ERGIC2: variants seen among roughly 807,000 people sequenced by gnomAD.
The protein encoded by ERGIC2 is endoplasmic reticulum-Golgi intermediate compartment protein 2.
Under a neutral mutation model 52.5 loss-of-function variants are expected in ERGIC2, and 31 were observed. The ratio of observed to expected loss-of-function variants is 0.59; its 90% CI spans 0.44 to 0.80. ERGIC2 has a LOEUF of 0.80. Among genes scored for constraint, ERGIC2 ranks in the 30% least tolerant of loss-of-function variants. The pLI is 0.00. For synonymous variants in ERGIC2, 129 were observed against 140.6 expected, an observed-to-expected ratio of 0.92 and a Z score of 0.58; for missense variants, 395 against 455.2, an observed-to-expected ratio of 0.87 and a Z score of 1.20.
Position 29,356,524 on chromosome 12 carries a change from C to T in ERGIC2, c.477-47G>A, listed in dbSNP as rs760059564. The stretch of plus-strand genomic sequence containing the variant: ...TTTAAAGCACATTCAATACAGTTAC[C>T]ATTTTATGATGAGAAAAATGTGTAT... On this transcript the variant is annotated intron_variant, in intron 7 of 13. Transcript: ENST00000360150. 8 of 981,776 alleles carry T rather than the reference C, an allele frequency of 8.1e-6. No homozygotes were observed. In the Admixed American group the frequency reaches 1.3e-4, roughly 15 times the overall value. 60.8% of individuals were successfully genotyped at this position (981,776 alleles called of 1,614,324 possible). A position where few individuals can be genotyped will look rare whatever the true frequency, so the allele number is the denominator to read the frequency against.
intron 11 of ERGIC2, among the ~76,000 whole-genome samples, chr12:29,344,416 A>T (rs1188212349): frequency 6.6e-6 from 1 of 152,122 alleles, no homozygotes; most frequent in East Asian, 1.9e-4. Flanking sequence ...TCTCAACTGT[A>T]TGTATTGCCT....
intron 8 of ERGIC2, among the ~76,000 whole-genome samples, chr12:29,354,460 T>G (rs1468292930): frequency 3.3e-5 from 5 of 152,218 alleles, no homozygotes; most frequent in African/African-American, 9.6e-5. Context: ...CATTATGTCT[T>G]CTAGTGTATT....
intron 2 of ERGIC2, 42 bp from the exon 3 acceptor site, chr12:29,370,264 TA>T (rs1940423535): frequency 2.7e-6 from 4 of 1,500,798 alleles, no homozygotes; most frequent in Admixed American, 2.7e-5. Flanking sequence ...ATTAAAACAA[TA>T]AAAAAAGCAA....
intron 3 of ERGIC2, among the ~76,000 whole-genome samples, chr12:29,368,596 A>G (rs1940396465): frequency 6.6e-6 from 1 of 151,894 alleles, no homozygotes; most frequent in Non-Finnish European, 1.5e-5. Flanking sequence ...TATTTACATA[A>G]ACTTTTGATA....
intron 12 of ERGIC2, 121 bp from the exon 13 acceptor site, chr12:29,341,937 G>T (rs1055368414): frequency 3.8e-6 from 2 of 529,202 alleles, no homozygotes; most frequent in Middle Eastern, 5.1e-4. Context: ...CACTTCCATG[G>T]TTAAAAATAA....
intron 11 of ERGIC2, among the ~76,000 whole-genome samples, chr12:29,345,207 A>T (rs888850220): frequency 6.6e-6 from 1 of 152,224 alleles, no homozygotes; most frequent in African/African-American, 2.4e-5. Flanking sequence ...TCTTAATGCA[A>T]TAGAAAACCT....
intron 1 of ERGIC2, among the ~76,000 whole-genome samples, chr12:29,377,577 G>A (rs1940531564): frequency 6.6e-6 from 1 of 152,200 alleles, no homozygotes; most frequent in Admixed American, 6.5e-5. Flanking sequence ...CAGTAGGCAT[G>A]CAATTTTTCC....
At chr12:29,344,280 G>A (rs1373093091) in intron 11 of ERGIC2, among the ~76,000 whole-genome samples, 2 of 152,112 alleles carry the variant, frequency 1.3e-5, no homozygotes, top group Admixed American at 1.3e-4. Flanking sequence ...TTCTCGAAGT[G>A]CAATTGCTGA....
Position 29,357,046 on chromosome 12 carries a change from T to TA in ERGIC2, c.477-570dup, listed in dbSNP as rs562091481. ...GTAGTGGTGCAATCTTGGCTCACTG[T>TA]AACCCCGCCTCCTGGGTTCAAGCTA... On this transcript the variant is annotated intron_variant, in intron 7 of 13. Coordinates refer to ENST00000360150, the MANE Select transcript of ERGIC2 (RefSeq NM_016570.3). 7.8e-4 allele frequency among the ~76,000 whole-genome samples: 97 copies of TA among 123,756 alleles called. No individual in the cohort carries two copies. In the South Asian group the frequency reaches 0.023, roughly 30 times the overall value. The allele number at this position is 123,756 out of a possible 152,430, so 81.2% of individuals were successfully genotyped here. A position where few individuals can be genotyped will look rare whatever the true frequency, so the allele number is the denominator to read the frequency against.
chr12:29,371,114 T>C (rs1940434444), intron 2 of ERGIC2, among the ~76,000 whole-genome samples: 1 of 152,164 alleles, frequency 6.6e-6, no homozygotes, highest in Admixed American at 6.5e-5. Flanking sequence ...CTGATACTTT[T>C]ATCTGTACCA....
At chr12:29,343,056 G>T in intron 12 of ERGIC2, 64 bp downstream of exon 12, 1 of 1,384,862 alleles carries the variant, frequency 7.2e-7, no homozygotes, top group Non-Finnish European at 9.8e-7. Flanking sequence ...GCCCCTTTGA[G>T]AAGAAGCAAC....
chr12:29,355,793 C>G (rs1940194359), intron 8 of ERGIC2, among the ~76,000 whole-genome samples: 1 of 151,970 alleles, frequency 6.6e-6, no homozygotes, highest in Non-Finnish European at 1.5e-5. Flanking sequence ...CCACTAAAAC[C>G]TGGCAAGTAG....
intron 11 of ERGIC2, 106 bp downstream of exon 11, chr12:29,345,337 G>T: frequency 1.5e-6 from 1 of 658,572 alleles, no homozygotes; most frequent in Non-Finnish European, 2.7e-6. Flanking sequence ...ATTTTTAAAT[G>T]AGGGAAGACA....
Position 29,370,932 on chromosome 12 carries a change from A to C in ERGIC2, c.106+596T>G, listed in dbSNP as rs370145314. ...TGCACTATTTTCATTAACAAAACTT[A>C]ATCACAAGTGGATCAGAAATAGTAA... On this transcript the variant is annotated intron_variant, in intron 2 of 13. Coordinates refer to ENST00000360150, the MANE Select transcript of ERGIC2 (RefSeq NM_016570.3). Among the ~76,000 whole-genome samples the C allele has an allele frequency of 2.3e-4, 35 of 152,248 alleles. No individual in the cohort carries two copies. The South Asian group carries it at 7.0e-3, about 31-fold the overall frequency.
chr12:29,340,158 T>C lies in ERGIC2; in HGVS notation c.*998A>G, dbSNP rs531303802. The C allele has an allele frequency of 6.6e-6, 1 of 152,300 alleles. No individual in the cohort carries two copies. Among genetic ancestry groups the C allele is most frequent in the East Asian group, 1.9e-4 (1 of 5,186 alleles). The allele number at this position is 152,300 out of a possible 1,614,324, so 9.4% of individuals were successfully genotyped here. On this transcript the variant is annotated 3_prime_UTR_variant, in exon 14 of 14. Coordinates refer to ENST00000360150, the MANE Select transcript of ERGIC2 (RefSeq NM_016570.3). Reference sequence around the variant, plus strand: ...AGTTTTATAGTTTAATGGACAATGTTTAACATGGCACCTCTCAAATCTGAT... The same window carrying C: ...AGTTTTATAGTTTAATGGACAATGTCTAACATGGCACCTCTCAAATCTGAT...
chr12:29,353,650 T>A (rs1940163469), intron 8 of ERGIC2, among the ~76,000 whole-genome samples: 1 of 151,958 alleles, frequency 6.6e-6, no homozygotes, highest in Admixed American at 6.6e-5. Context: ...AACCTATACA[T>A]TTTACTTCAA....
intron 10 of ERGIC2, 118 bp from the exon 11 acceptor site, chr12:29,345,658 A>C (rs1940037754): frequency 5.9e-6 from 4 of 678,462 alleles, no homozygotes; most frequent in Non-Finnish European, 8.0e-6. Flanking sequence ...TCACACCTGT[A>C]ATCTCAGCAC....
At chr12:29,379,736 G>A (rs578253024) in intron 1 of ERGIC2, among the ~76,000 whole-genome samples, 11 of 152,020 alleles carry the variant, frequency 7.2e-5, no homozygotes, top group Non-Finnish European at 1.5e-4. Flanking sequence ...GGCACAGAGA[G>A]GTTAAATAAT....
At chr12:29,362,247 T>G (rs993740138) in intron 5 of ERGIC2, among the ~76,000 whole-genome samples, 1 of 152,170 alleles carries the variant, frequency 6.6e-6, no homozygotes, top group Non-Finnish European at 1.5e-5. Flanking sequence ...AAACTTCTCA[T>G]AGTAGCTATA....
Sources: gnomAD v4.1 joint callset for allele counts (sites outside exome capture counted in the v4.1 genomes callset) on GRCh38, gnomAD v4.1.1 for gene constraint, MANE v1.5 for transcripts, NCBI Gene and HGNC (gene_info 2026-07-23, HGNC 2026-07-21) for gene names.